Variants in NR5A2 observed in about 807,000 individuals in gnomAD.
NR5A2 encodes nuclear receptor subfamily 5 group A member 2.
In NR5A2, 26 loss-of-function variants were observed where a neutral mutation model predicts 62.7. The observed-to-expected ratio is 0.41, with a 90% CI of 0.30 to 0.58. NR5A2 has a LOEUF of 0.58. Among genes scored for constraint, NR5A2 ranks in the 20% least tolerant of loss-of-function variants. The pLI is 0.22. For missense variants in NR5A2, 541 were observed against 669.1 expected, an observed-to-expected ratio of 0.81 and a Z score of 2.11; for synonymous variants, 246 against 241.7, an observed-to-expected ratio of 1.02 and a Z score of -0.16.
intron 5 of NR5A2, among the ~76,000 whole-genome samples, chr1:200,063,783 A>T (rs1663338788): frequency 6.6e-6 from 1 of 152,224 alleles, no homozygotes; most frequent in South Asian, 2.1e-4. Flanking sequence ...TTCAAATTTT[A>T]TTCACATATT....
intron 5 of NR5A2, among the ~76,000 whole-genome samples, chr1:200,096,415 A>T (rs777672483): frequency 4.6e-5 from 7 of 152,150 alleles, no homozygotes; most frequent in South Asian, 2.1e-4. Flanking sequence ...ACTCAAACAC[A>T]ACAGGGTATG....
chr1:200,143,949 G>A (rs7514543), intron 7 of NR5A2, among the ~76,000 whole-genome samples: 85,524 of 151,776 alleles, frequency 0.56, 25,056 homozygotes, highest in East Asian at 0.69. Context: ...ACTGTTCACC[G>A]TTTAAATCCT....
At chr1:200,086,043 G>C (rs1180526914) in intron 5 of NR5A2, among the ~76,000 whole-genome samples, 1 of 152,144 alleles carries the variant, frequency 6.6e-6, no homozygotes, top group Non-Finnish European at 1.5e-5. Context: ...AGAGGGTGGT[G>C]AGATGGGGGG....
intron 5 of NR5A2, among the ~76,000 whole-genome samples, chr1:200,049,641 C>T (rs1662535992): frequency 6.6e-6 from 1 of 152,190 alleles, no homozygotes; most frequent in Non-Finnish European, 1.5e-5. Flanking sequence ...TCAGTGGTTT[C>T]ATTCCTATTT....
At chr1:200,088,225 G>T (rs985500966) in intron 5 of NR5A2, among the ~76,000 whole-genome samples, 3 of 149,388 alleles carry the variant, frequency 2.0e-5, no homozygotes, top group African/African-American at 7.4e-5. Flanking sequence ...TTTTGTTGTT[G>T]TTGTTTTTGT....
chr1:200,061,080 C>T (rs1211161744), intron 5 of NR5A2, among the ~76,000 whole-genome samples: 1 of 144,518 alleles, frequency 6.9e-6, no homozygotes, highest in Non-Finnish European at 1.5e-5. Flanking sequence ...AGATTTGCGC[C>T]ACTGTGCTCT....
intron 7 of NR5A2, among the ~76,000 whole-genome samples, chr1:200,167,450 C>A (rs183408420): frequency 2.0e-5 from 3 of 152,058 alleles, no homozygotes; most frequent in Admixed American, 1.3e-4. Context: ...CCTCCTTGGC[C>A]GCCGTATTTC....
At chr1:200,091,324 A>G (rs2102253187) in intron 5 of NR5A2, among the ~76,000 whole-genome samples, 1 of 152,174 alleles carries the variant, frequency 6.6e-6, no homozygotes, top group East Asian at 1.9e-4. Context: ...GGGAGTGGGG[A>G]GGGTCAATAT....
At position 200,109,637 on chromosome 1, in the gene NR5A2, AG is replaced by A. The variant is rs1277798144; in HGVS notation, c.1111-1564del. Among the ~76,000 whole-genome samples the A allele has an allele frequency of 5.9e-5, 9 of 152,372 alleles. No individual in the cohort carries two copies. The East Asian group carries it at 1.7e-3, about 29-fold the overall frequency. On this transcript the variant is annotated intron_variant, in intron 5 of 7. Transcript: ENST00000367362. ...TTATCACTACTAATATATCAGTGACAGCTATTCAGAGTCTTATGGAATGGCC... is the reference window on the plus strand; with the variant it reads ...TTATCACTACTAATATATCAGTGACACTATTCAGAGTCTTATGGAATGGCC...
rs546229910 is a variant in NR5A2 at position 200,175,943 on chromosome 1, A to C, written c.*1733A>C. ...GTATATCATACTTTCAACTGTAGAC[A>C]ATTATGATGCTAATTTATTGTTTCT... On this transcript the variant is annotated 3_prime_UTR_variant, in exon 8 of 8. Coordinates refer to ENST00000367362, the MANE Select transcript of NR5A2 (RefSeq NM_205860.3). 2.8e-4 allele frequency: 43 copies of C among 152,754 alleles called. No homozygotes were observed. Among genetic ancestry groups the C allele is most frequent in the African/African-American group, 1.0e-3 (43 of 41,584 alleles). 9.5% of individuals were successfully genotyped at this position (152,754 alleles called of 1,614,324 possible). A position where few individuals can be genotyped will look rare whatever the true frequency, so the allele number is the denominator to read the frequency against.
intron 5 of NR5A2, among the ~76,000 whole-genome samples, chr1:200,054,335 CAAG>C (rs148616730): frequency 0.044 from 6,686 of 151,402 alleles, 494 homozygotes; most frequent in African/African-American, 0.15. Flanking sequence ...CCTTGTGAGT[CAAG>C]AAGATTGGCT....
intron 5 of NR5A2, among the ~76,000 whole-genome samples, chr1:200,077,430 T>C (rs893347309): frequency 2.0e-5 from 3 of 152,184 alleles, no homozygotes; most frequent in African/African-American, 7.2e-5. Flanking sequence ...AAACCACAAT[T>C]AGGTTGGGCT....
intron 7 of NR5A2, among the ~76,000 whole-genome samples, chr1:200,129,491 A>C (rs77220962): frequency 0.018 from 2,800 of 152,236 alleles, 92 homozygotes; most frequent in African/African-American, 0.064. Context: ...TTAAAAGAGG[A>C]CCCTTCCTTT....
intron 6 of NR5A2, among the ~76,000 whole-genome samples, chr1:200,120,569 G>T (rs1666435689): frequency 6.6e-6 from 1 of 152,130 alleles, no homozygotes; most frequent in South Asian, 2.1e-4. Flanking sequence ...TTATCAATCT[G>T]TATTGTGGCC....
At chr1:200,161,142 T>A (rs968606464) in intron 7 of NR5A2, among the ~76,000 whole-genome samples, 1 of 152,138 alleles carries the variant, frequency 6.6e-6, no homozygotes, top group Admixed American at 6.5e-5. Context: ...AAGCTTGAAA[T>A]TCTGCATGCT....
intron 1 of NR5A2, among the ~76,000 whole-genome samples, chr1:200,033,810 C>G (rs866122013): frequency 9.9e-5 from 15 of 152,210 alleles, no homozygotes; most frequent in African/African-American, 3.6e-4. Context: ...AGTTCCACGC[C>G]CCATGCTTGA....
intron 5 of NR5A2, among the ~76,000 whole-genome samples, chr1:200,098,539 A>T (rs917042061): frequency 4.6e-5 from 7 of 152,266 alleles, no homozygotes; most frequent in African/African-American, 1.7e-4. Flanking sequence ...GTGAAAGAGC[A>T]CTGGGCTTGG....
chr1:200,164,319 G>C (rs947440917), intron 7 of NR5A2, among the ~76,000 whole-genome samples: 1 of 152,112 alleles, frequency 6.6e-6, no homozygotes, highest in East Asian at 1.9e-4. Flanking sequence ...CAGAATTCTG[G>C]ATTATGATCA....
At chr1:200,123,202 G>T (rs1245515882) in intron 7 of NR5A2, among the ~76,000 whole-genome samples, 1 of 152,180 alleles carries the variant, frequency 6.6e-6, no homozygotes, top group Non-Finnish European at 1.5e-5. Context: ...AGATTCTGTG[G>T]ACTAGTCAGA....
Sources: allele counts gnomAD v4.1 joint callset (sites outside exome capture counted in the v4.1 genomes callset), GRCh38; gene constraint gnomAD v4.1.1; transcripts MANE v1.5; gene names NCBI Gene and HGNC (gene_info 2026-07-23, HGNC 2026-07-21).